The following ADGRL2 variants were observed in gnomAD, a reference collection of about 807,000 sequenced individuals.
ADGRL2 encodes calcium-independent alpha-latrotoxin receptor 2.
Under a neutral mutation model 157.4 loss-of-function variants are expected in ADGRL2, and 44 were observed. The ratio of observed to expected loss-of-function variants is 0.28; its 90% CI spans 0.22 to 0.36. ADGRL2 has a LOEUF of 0.36. ADGRL2 is among the 10% of genes least tolerant of loss of function. The pLI is 1.00. For synonymous variants in ADGRL2, 585 were observed against 624.7 expected, an observed-to-expected ratio of 0.94 and a Z score of 0.95; for missense variants, 1,510 against 1,768.9, an observed-to-expected ratio of 0.85 and a Z score of 2.63.
chr1:81,320,546 A>G (rs953079676), intron 1 of ADGRL2, among the ~76,000 whole-genome samples: 1 of 152,242 alleles, frequency 6.6e-6, no homozygotes, highest in Non-Finnish European at 1.5e-5. Context: ...AGGCTGAAGA[A>G]TGGATGTTGT....
At chr1:81,721,741 G>C (rs560106477) in intron 1 of ADGRL2, 8 of 1,429,974 alleles carry the variant, frequency 5.6e-6, no homozygotes, top group Non-Finnish European at 7.8e-6. Context: ...AAATGTGTAA[G>C]CAGGATCCGA....
intron 3 of ADGRL2, among the ~76,000 whole-genome samples, chr1:81,689,473 A>G (rs898479514): frequency 4.6e-5 from 7 of 152,254 alleles, no homozygotes; most frequent in African/African-American, 1.7e-4. Context: ...GAACTCAACT[A>G]AATGGTCTAT....
At chr1:81,891,350 A>C (rs2094258955) in intron 2 of ADGRL2, among the ~76,000 whole-genome samples, 1 of 151,942 alleles carries the variant, frequency 6.6e-6, no homozygotes, top group Non-Finnish European at 1.5e-5. Context: ...TTTTATCTAA[A>C]TCTTAGTCAA....
intron 1 of ADGRL2, among the ~76,000 whole-genome samples, chr1:81,388,065 C>G (rs1368781308): frequency 6.6e-6 from 1 of 151,990 alleles, no homozygotes; most frequent in Non-Finnish European, 1.5e-5. Flanking sequence ...TTCAAATGTT[C>G]TGTCACTTTT....
At chr1:81,796,193 C>T (rs1460500930), upstream of ADGRL2, among the ~76,000 whole-genome samples, 1 of 152,012 alleles carries the variant, frequency 6.6e-6, no homozygotes, top group African/African-American at 2.4e-5. Context: ...GTTTCACTAT[C>T]TTGGCCAGGA....
chr1:81,813,031 C>G (rs1158580853), intron 1 of ADGRL2, among the ~76,000 whole-genome samples: 1 of 151,590 alleles, frequency 6.6e-6, no homozygotes, highest in East Asian at 1.9e-4. Context: ...TTTAGGTAAG[C>G]AGGATGATAA....
intron 2 of ADGRL2, among the ~76,000 whole-genome samples, chr1:81,790,160 A>C (rs2087263312): frequency 6.6e-6 from 1 of 152,062 alleles, no homozygotes; most frequent in Non-Finnish European, 1.5e-5. Flanking sequence ...TCTAGGGAAA[A>C]TGTGCTTGAC....
At chr1:81,817,400 C>G (rs924737745) in intron 1 of ADGRL2, among the ~76,000 whole-genome samples, 1 of 151,452 alleles carries the variant, frequency 6.6e-6, no homozygotes, top group African/African-American at 2.4e-5. Flanking sequence ...ATTGAGTCTT[C>G]TTCATCACAA....
At chr1:81,685,401 A>G (rs1050246792) in intron 3 of ADGRL2, among the ~76,000 whole-genome samples, 2 of 151,760 alleles carry the variant, frequency 1.3e-5, no homozygotes, top group East Asian at 3.9e-4. Flanking sequence ...CAGCTATTTT[A>G]AAAGAGGTTG....
chr1:81,427,005 T>C (rs545717068), intron 1 of ADGRL2: 17 of 973,694 alleles, frequency 1.7e-5, no homozygotes, highest in African/African-American at 1.4e-4. Context: ...AACATTGTTA[T>C]TCAGAAATAC....
At chr1:81,803,363 G>T (rs1423850354) in intron 1 of ADGRL2, among the ~76,000 whole-genome samples, 1 of 152,062 alleles carries the variant, frequency 6.6e-6, no homozygotes, top group Non-Finnish European at 1.5e-5. Flanking sequence ...GCCAGACTGC[G>T]GGGTGGGGGT....
chr1:81,765,340 A>T (rs964729575), intron 2 of ADGRL2, among the ~76,000 whole-genome samples: 2 of 152,040 alleles, frequency 1.3e-5, no homozygotes, highest in African/African-American at 2.4e-5. Context: ...TAGAAGAAAA[A>T]TGAACAAAAT....
intron 1 of ADGRL2, among the ~76,000 whole-genome samples, chr1:81,410,146 T>C (rs766346082): frequency 3.3e-5 from 5 of 152,206 alleles, no homozygotes; most frequent in African/African-American, 4.8e-5. Context: ...ATGACTTATT[T>C]TTCATAAACA....
chr1:81,982,273 A>G (rs1271562756), intron 19 of ADGRL2, among the ~76,000 whole-genome samples: 1 of 152,006 alleles, frequency 6.6e-6, no homozygotes, highest in African/African-American at 2.4e-5. Flanking sequence ...AGGTAAAAGA[A>G]AAGGTTAAAT....
chr1:81,398,127 C>T (rs990143989), intron 1 of ADGRL2, among the ~76,000 whole-genome samples: 1 of 152,034 alleles, frequency 6.6e-6, no homozygotes, highest in Admixed American at 6.6e-5. Context: ...AGTATAGCTA[C>T]TTCTGCTTAC....
chr1:81,665,407 T>C (rs906313738), intron 3 of ADGRL2, among the ~76,000 whole-genome samples: 1 of 152,184 alleles, frequency 6.6e-6, no homozygotes, highest in Non-Finnish European at 1.5e-5. Context: ...ATACCTAAAC[T>C]GAGATACATT....
intron 2 of ADGRL2, among the ~76,000 whole-genome samples, chr1:81,448,062 T>C (rs936744772): frequency 9.2e-5 from 14 of 151,660 alleles, no homozygotes; most frequent in African/African-American, 3.4e-4. Flanking sequence ...CCCAAGAAGA[T>C]CCTGCCATGC....
intron 2 of ADGRL2, among the ~76,000 whole-genome samples, chr1:81,472,685 T>G (rs533455589): frequency 7.7e-4 from 118 of 152,264 alleles, no homozygotes; most frequent in African/African-American, 2.8e-3. Context: ...GCATTTAATC[T>G]CTAGTCTGTA....
At chr1:81,471,543 TGAAGGGTTTCTGA>T (rs2078171568) in intron 2 of ADGRL2, among the ~76,000 whole-genome samples, 1 of 152,214 alleles carries the variant, frequency 6.6e-6, no homozygotes, top group Non-Finnish European at 1.5e-5. Flanking sequence ...ATTTTAATAT[TGAAGGGTTTCTGA>T]GAATTTTATG....
Sources: allele counts gnomAD v4.1 joint callset (sites outside exome capture counted in the v4.1 genomes callset), GRCh38; gene constraint gnomAD v4.1.1; transcripts MANE v1.5; gene names NCBI Gene and HGNC (gene_info 2026-07-23, HGNC 2026-07-21).